Variants in NBEA observed in about 807,000 individuals in gnomAD.
The protein encoded by NBEA is lysosomal-trafficking regulator 2.
In NBEA, 44 loss-of-function variants were observed where a neutral mutation model predicts 343.4. The observed-to-expected ratio is 0.13, with a 90% CI of 0.10 to 0.16. The LOEUF (loss-of-function observed/expected upper bound fraction) is 0.16. NBEA is among the 10% of genes least tolerant of loss of function. The pLI is 1.00. For missense variants in NBEA, 2,555 were observed against 3,631.3 expected (o/e 0.70, Z 7.62); for synonymous variants, 1,175 against 1,238.7 (o/e 0.95, Z 1.08).
At chr13:35,323,815 C>T (rs1253274585) in intron 36 of NBEA, among the ~76,000 whole-genome samples, 1 of 152,038 alleles carries the variant, frequency 6.6e-6, no homozygotes, top group Non-Finnish European at 1.5e-5. Context: ...CTCCTTATTA[C>T]ATTAAGAAAC....
intron 1 of NBEA, among the ~76,000 whole-genome samples, chr13:34,972,569 T>G (rs1313977912): frequency 6.6e-6 from 1 of 152,210 alleles, no homozygotes; most frequent in Non-Finnish European, 1.5e-5. Context: ...ATTTCAGCTT[T>G]AATTTTATTA....
At chr13:35,150,398 G>A (rs2152703333) in intron 18 of NBEA, among the ~76,000 whole-genome samples, 1 of 152,134 alleles carries the variant, frequency 6.6e-6, no homozygotes, top group East Asian at 1.9e-4. Flanking sequence ...CAGGGCAGTG[G>A]ATTACTGTTT....
At chr13:35,349,392 C>T (rs1566012550) in intron 37 of NBEA, among the ~76,000 whole-genome samples, 176 bp downstream of exon 37, 1 of 152,004 alleles carries the variant, frequency 6.6e-6, no homozygotes, top group Admixed American at 6.6e-5. Flanking sequence ...ATTTTCACCC[C>T]ATTTACAGCA....
intron 34 of NBEA, among the ~76,000 whole-genome samples, chr13:35,279,200 G>A (rs1352270306): frequency 5.3e-5 from 8 of 152,142 alleles, no homozygotes; most frequent in Admixed American, 2.0e-4. Flanking sequence ...GTTAAAGGAA[G>A]TACTATTTTG....
At chr13:35,486,161 T>G (rs2076296805) in intron 41 of NBEA, among the ~76,000 whole-genome samples, 1 of 152,142 alleles carries the variant, frequency 6.6e-6, no homozygotes, top group African/African-American at 2.4e-5. Context: ...CATTAAAACT[T>G]AGTTATTCCA....
intron 1 of NBEA, among the ~76,000 whole-genome samples, chr13:34,975,357 G>A (rs894076153): frequency 6.6e-6 from 1 of 152,134 alleles, no homozygotes; most frequent in Non-Finnish European, 1.5e-5. Flanking sequence ...GCATAAAGTG[G>A]CAAAAGGACA....
chr13:35,468,026 T>A (rs1191893696), intron 40 of NBEA, among the ~76,000 whole-genome samples: 5 of 152,124 alleles, frequency 3.3e-5, no homozygotes, highest in Non-Finnish European at 5.9e-5. Context: ...GTAAAGAAGC[T>A]TAGCATTACT....
intron 40 of NBEA, among the ~76,000 whole-genome samples, chr13:35,467,552 T>C (rs2075440882): frequency 6.6e-6 from 1 of 152,122 alleles, no homozygotes; most frequent in Admixed American, 6.5e-5. Flanking sequence ...TTCCCTACAA[T>C]GTATACCACT....
rs968959605 is a variant in NBEA at position 35,342,531 on chromosome 13, G to T, written c.5904-6577G>T. Among the ~76,000 whole-genome samples, 4 of 151,934 alleles carry T rather than the reference G, an allele frequency of 2.6e-5. No individual in the cohort carries two copies. In the East Asian group the frequency reaches 7.7e-4, roughly 29 times the overall value. On this transcript the variant is annotated intron_variant, in intron 36 of 58. Transcript: ENST00000379939. ...ATGACAAAACTATACAAGGAGAAAA[G>T]TATGCAAACAAATTGGTAAATTTGT...
Position 35,270,205 on chromosome 13 carries a change from A to G in NBEA, c.5777-20184A>G, listed in dbSNP as rs565486392. On this transcript the variant is annotated intron_variant, in intron 34 of 58. Transcript: ENST00000379939. ...CATTACAGTTAAATTCTACCAATAAAACAACCTCCACATAGAGAAATTATA... is the reference window on the plus strand; with the variant it reads ...CATTACAGTTAAATTCTACCAATAAGACAACCTCCACATAGAGAAATTATA... Among the ~76,000 whole-genome samples, 7 of 152,364 alleles carry G rather than the reference A, an allele frequency of 4.6e-5. No homozygotes were observed. In the East Asian group the frequency reaches 1.3e-3, roughly 29 times the overall value.
intron 33 of NBEA, among the ~76,000 whole-genome samples, chr13:35,218,727 T>A (rs1041853381): frequency 2.6e-5 from 4 of 152,028 alleles, no homozygotes; most frequent in African/African-American, 4.8e-5. Flanking sequence ...GAAGTTTATC[T>A]TATGCTTTTT....
At chr13:35,479,041 C>T (rs780511115) in intron 41 of NBEA, among the ~76,000 whole-genome samples, 1 of 152,224 alleles carries the variant, frequency 6.6e-6, no homozygotes, top group East Asian at 1.9e-4. Context: ...GCACTTTGTG[C>T]AAACTAATTG....
At chr13:35,258,383 C>G (rs1261439151) in intron 34 of NBEA, among the ~76,000 whole-genome samples, 1 of 151,982 alleles carries the variant, frequency 6.6e-6, no homozygotes, top group Non-Finnish European at 1.5e-5. Context: ...TCAGGCTGGT[C>G]TCGATCTCCT....
chr13:35,442,418 A>G (rs2152938004), intron 39 of NBEA, among the ~76,000 whole-genome samples: 1 of 152,248 alleles, frequency 6.6e-6, no homozygotes, highest in East Asian at 1.9e-4. Context: ...ATGGCTAATC[A>G]AAATCCTGTC....
intron 41 of NBEA, among the ~76,000 whole-genome samples, chr13:35,500,509 T>A (rs770690873): frequency 1.3e-5 from 2 of 152,050 alleles, no homozygotes; most frequent in Non-Finnish European, 2.9e-5. Context: ...AGCTGGTATA[T>A]AGTTGTTTGG....
intron 1 of NBEA, among the ~76,000 whole-genome samples, chr13:34,992,262 A>T (rs12428005): frequency 0.071 from 8,061 of 114,172 alleles, 325 homozygotes; most frequent in African/African-American, 0.13. Flanking sequence ...ATATATATAT[A>T]TTTTTTTTTT....
intron 49 of NBEA, among the ~76,000 whole-genome samples, chr13:35,635,173 C>A (rs894541913): frequency 9.2e-5 from 14 of 152,034 alleles, no homozygotes; most frequent in African/African-American, 2.9e-4. Context: ...TCCTTGAATT[C>A]TTTCTATTAT....
intron 31 of NBEA, among the ~76,000 whole-genome samples, chr13:35,206,338 C>G (rs2073393245): frequency 6.6e-6 from 1 of 152,046 alleles, no homozygotes. Flanking sequence ...TCTCATAGCA[C>G]TGTTAATTAG....
chr13:35,305,668 A>G (rs987005354), intron 35 of NBEA, among the ~76,000 whole-genome samples: 2 of 152,176 alleles, frequency 1.3e-5, no homozygotes, highest in Non-Finnish European at 2.9e-5. Flanking sequence ...GATGATGCCA[A>G]TGATGATGTA....
Sources: gnomAD v4.1 joint callset for allele counts (sites outside exome capture counted in the v4.1 genomes callset) on GRCh38, gnomAD v4.1.1 for gene constraint, MANE v1.5 for transcripts, NCBI Gene and HGNC (gene_info 2026-07-23, HGNC 2026-07-21) for gene names.